ADAMTS6: variants seen among roughly 807,000 people sequenced by gnomAD.
The protein encoded by ADAMTS6 is ADAM metallopeptidase with thrombospondin type 1 motif 6, also known as A disintegrin and metalloproteinase with thrombospondin motifs 6.
Under a neutral mutation model 144.3 loss-of-function variants are expected in ADAMTS6, and 23 were observed. The ratio of observed to expected loss-of-function variants is 0.16; its 90% CI spans 0.11 to 0.23. The LOEUF (loss-of-function observed/expected upper bound fraction) is 0.23, where lower values mean the gene tolerates loss of function less well. Ranked by LOEUF, ADAMTS6 falls within the 10% of genes least tolerant of loss-of-function variation. The pLI is 1.00. For synonymous variants in ADAMTS6, 444 were observed against 457.5 expected (o/e 0.97, Z 0.38); for missense variants, 999 against 1,379.6 (o/e 0.72, Z 4.37).
intron 9 of ADAMTS6, among the ~76,000 whole-genome samples, chr5:65,327,606 T>G (rs888942886): frequency 1.3e-5 from 2 of 152,112 alleles, no homozygotes; most frequent in African/African-American, 4.8e-5. Flanking sequence ...CTATTTCTCT[T>G]TCACAATTTT....
intron 7 of ADAMTS6, among the ~76,000 whole-genome samples, chr5:65,380,000 A>G (rs1477916560): frequency 6.6e-6 from 1 of 152,150 alleles, no homozygotes; most frequent in Non-Finnish European, 1.5e-5. Flanking sequence ...TTACTGACTC[A>G]TGACGACTGA....
At chr5:65,157,727 T>G (rs554188058) in intron 24 of ADAMTS6, among the ~76,000 whole-genome samples, 2 of 152,348 alleles carry the variant, frequency 1.3e-5, no homozygotes, top group South Asian at 4.1e-4. Flanking sequence ...AGGTTGTGCA[T>G]GCGTGGCACA....
At chr5:65,401,498 C>T (rs1159828726) in intron 7 of ADAMTS6, among the ~76,000 whole-genome samples, 1 of 152,172 alleles carries the variant, frequency 6.6e-6, no homozygotes, top group Admixed American at 6.5e-5. Context: ...CCAATATTTA[C>T]TGTGAGAACC....
chr5:65,458,603 G>T lies in ADAMTS6; in HGVS notation c.631+1567C>A, dbSNP rs566143054. Reference sequence around the variant, plus strand: ...ATTTTTGTATTTTTAGTAGAGACAGGGTTTCACCATATTGGCCAGGCTGAT... The same window carrying T: ...ATTTTTGTATTTTTAGTAGAGACAGTGTTTCACCATATTGGCCAGGCTGAT... On this transcript the variant is annotated intron_variant, in intron 4 of 24. Transcript: ENST00000381055. Among the ~76,000 whole-genome samples, 5 of 152,174 alleles carry T rather than the reference G, an allele frequency of 3.3e-5. No individual in the cohort carries two copies. In the South Asian group the frequency reaches 8.3e-4, roughly 25 times the overall value.
intron 22 of ADAMTS6, among the ~76,000 whole-genome samples, chr5:65,185,234 T>TTTCC (rs1296738192): frequency 2.0e-5 from 3 of 152,224 alleles, no homozygotes; most frequent in Non-Finnish European, 2.9e-5. Flanking sequence ...TTACTTATTG[T>TTTCC]TAACCCATCT....
chr5:65,167,353 T>C (rs1020196920), intron 24 of ADAMTS6, among the ~76,000 whole-genome samples: 105 of 152,204 alleles, frequency 6.9e-4, no homozygotes, highest in African/African-American at 1.5e-3. Context: ...AATCTCTGAA[T>C]AGACCAATAA....
At chr5:65,249,460 A>G (rs1357131365) in intron 14 of ADAMTS6, among the ~76,000 whole-genome samples, 1 of 152,160 alleles carries the variant, frequency 6.6e-6, no homozygotes, top group East Asian at 1.9e-4. Flanking sequence ...GGGCCAGCCT[A>G]TTAAGTTCTA....
At chr5:65,432,805 T>C (rs1196371848) in intron 7 of ADAMTS6, among the ~76,000 whole-genome samples, 2 of 152,130 alleles carry the variant, frequency 1.3e-5, no homozygotes, top group Non-Finnish European at 2.9e-5. Context: ...TCCCCTTTGT[T>C]CACTACATGT....
At chr5:65,233,061 T>C (rs541011345) in intron 15 of ADAMTS6, among the ~76,000 whole-genome samples, 2 of 152,280 alleles carry the variant, frequency 1.3e-5, no homozygotes, top group East Asian at 1.9e-4. Flanking sequence ...AATCAGGCAC[T>C]GTAATACACC....
chr5:65,197,066 T>G lies in ADAMTS6; in HGVS notation c.2661A>C (p.Pro887=). 1.2e-6 allele frequency: 2 copies of G among 1,614,008 alleles called. No individual in the cohort carries two copies. Among genetic ancestry groups the G allele is most frequent in the Non-Finnish European group, 1.7e-6 (2 of 1,179,910 alleles). Residue 887 remains proline, a synonymous_variant, in exon 21 of 25, where the codon CCA becomes CCC. Transcript: ENST00000381055. ...QNNYCDPDSK[P]PENQRACNTE... is the part of the protein sequence containing the mutation. ...TGTTGCAGGCTCTTTGATTTTCAGGTGGCTTACTGTCAGGATCACAGTAAT... is the reference window on the plus strand; with the variant it reads ...TGTTGCAGGCTCTTTGATTTTCAGGGGGCTTACTGTCAGGATCACAGTAAT...
chr5:65,179,811 C>T (rs887341187), intron 22 of ADAMTS6, among the ~76,000 whole-genome samples: 1 of 152,108 alleles, frequency 6.6e-6, no homozygotes, highest in Non-Finnish European at 1.5e-5. Flanking sequence ...CATAAATTAT[C>T]GTGTCCCTAA....
At chr5:65,176,738 T>TTAATAGCACAG in intron 22 of ADAMTS6, among the ~76,000 whole-genome samples, 1 of 152,364 alleles carries the variant, frequency 6.6e-6, no homozygotes, top group East Asian at 1.9e-4. Context: ...AAGTTTAACA[T>TTAATAGCACAG]TAATAGCACA....
chr5:65,196,117 T>C (rs1175039939), intron 21 of ADAMTS6, among the ~76,000 whole-genome samples: 6 of 152,196 alleles, frequency 3.9e-5, no homozygotes, highest in Admixed American at 6.5e-5. Flanking sequence ...GAGACTGAAG[T>C]ATACCTCTAT....
chr5:65,407,890 C>A (rs959294564), intron 7 of ADAMTS6, among the ~76,000 whole-genome samples: 10 of 152,088 alleles, frequency 6.6e-5, no homozygotes, highest in African/African-American at 1.2e-4. Flanking sequence ...TCATATCCAG[C>A]CAAACTAAGC....
chr5:65,291,815 A>G (rs980367378), intron 10 of ADAMTS6, among the ~76,000 whole-genome samples: 14 of 152,150 alleles, frequency 9.2e-5, no homozygotes, highest in Admixed American at 2.6e-4. Flanking sequence ...CACATCTGGT[A>G]GTAGAATTAA....
intron 24 of ADAMTS6, among the ~76,000 whole-genome samples, chr5:65,163,329 A>C (rs540705028): frequency 6.6e-6 from 1 of 152,332 alleles, no homozygotes; most frequent in African/African-American, 2.4e-5. Flanking sequence ...TCCAGAATCT[A>C]AAGGGACAAA....
chr5:65,452,288 T>G (rs775737143), intron 5 of ADAMTS6, 72 bp from the exon 6 acceptor site: 6 of 1,318,234 alleles, frequency 4.6e-6, no homozygotes, highest in Non-Finnish European at 2.2e-6. Context: ...GTTTTTTAAG[T>G]GCTAAAACAA....
intron 7 of ADAMTS6, among the ~76,000 whole-genome samples, chr5:65,445,502 TAA>T: frequency 1.3e-5 from 2 of 152,166 alleles, no homozygotes; most frequent in Admixed American, 1.3e-4. Flanking sequence ...CACGCCCGAC[TAA>T]TGTTTTTGTG....
Position 65,214,989 on chromosome 5 carries a change from T to C in ADAMTS6, c.2437-57A>G. The C allele has an allele frequency of 6.5e-7, 1 of 1,549,244 alleles. No individual in the cohort carries two copies. Among genetic ancestry groups the C allele is most frequent in the South Asian group, 1.2e-5 (1 of 80,778 alleles). The stretch of plus-strand genomic sequence containing the variant: ...AAAATACAATGAGCCTTCATTCAGA[T>C]ATTTATTATTCCTTTTGAAGAAGAA... On this transcript the variant is annotated intron_variant, in intron 19 of 24. Transcript: ENST00000381055. The surrounding 1 kb of genome is among the most constrained non-coding windows in gnomAD (Gnocchi z 4.6).
Sources: gnomAD v4.1 joint callset for allele counts (sites outside exome capture counted in the v4.1 genomes callset) on GRCh38, gnomAD v4.1.1 for gene constraint, Gnocchi (gnomAD v3.1) non-coding constraint, MANE v1.5 for transcripts, NCBI Gene and HGNC (gene_info 2026-07-23, HGNC 2026-07-21) for gene names.